WDR25: variants seen among roughly 807,000 people sequenced by gnomAD.
WDR25 encodes the protein WD repeat-containing protein 25.
WDR25 carries 35 observed loss-of-function variants against 47.7 expected under a neutral mutation model. That is an observed-to-expected ratio of 0.73 (90% confidence interval 0.56 to 0.97). The LOEUF is 0.97. Among genes scored for constraint, WDR25 ranks in the 50% least tolerant of loss-of-function variants. The pLI is 0.00. For missense variants in WDR25, 634 were observed against 704.7 expected (o/e 0.90, Z 1.14); for synonymous variants, 248 against 278.9 (o/e 0.89, Z 1.10).
chr14:100,480,756 A>T (rs1020111298), intron 3 of WDR25, among the ~76,000 whole-genome samples: 1 of 152,208 alleles, frequency 6.6e-6, no homozygotes, highest in Non-Finnish European at 1.5e-5. Flanking sequence ...TACAAATATG[A>T]TAATGCAATT....
chr14:100,417,445 C>A (rs909459361), intron 2 of WDR25, among the ~76,000 whole-genome samples: 1 of 152,194 alleles, frequency 6.6e-6, no homozygotes, highest in African/African-American at 2.4e-5. Flanking sequence ...CAGGCTCTTT[C>A]CCATGACCTA....
At chr14:100,489,263 A>G (rs1900485200) in intron 4 of WDR25, among the ~76,000 whole-genome samples, 1 of 152,226 alleles carries the variant, frequency 6.6e-6, no homozygotes, top group African/African-American at 2.4e-5. Flanking sequence ...TAACAGAGTT[A>G]TGAGTCTCTT....
intron 1 of WDR25, among the ~76,000 whole-genome samples, chr14:100,377,392 C>T (rs1896729818): frequency 6.6e-6 from 1 of 152,068 alleles, no homozygotes; most frequent in South Asian, 2.1e-4. Flanking sequence ...CTCCGCCTCC[C>T]GGGTTCAAGC....
chr14:100,491,281 G>A (rs1188219236), intron 4 of WDR25, among the ~76,000 whole-genome samples: 2 of 152,250 alleles, frequency 1.3e-5, no homozygotes, highest in Admixed American at 6.5e-5. Flanking sequence ...CCAGTTGGTA[G>A]TGGGGCAAGA....
Position 100,500,642 on chromosome 14 carries a change from C to T in WDR25, c.1101+16518C>T, listed in dbSNP as rs2140347107. 6.6e-6 allele frequency among the ~76,000 whole-genome samples: 1 copy of T among 152,326 alleles called. No homozygotes were observed. Among genetic ancestry groups the T allele is most frequent in the South Asian group, 2.1e-4 (1 of 4,826 alleles). On this transcript the variant is annotated intron_variant, in intron 4 of 6. Coordinates refer to ENST00000402312, the MANE Select transcript of WDR25 (RefSeq NM_001161476.3). The surrounding 1 kb of genome is among the most constrained non-coding windows in gnomAD (Gnocchi z 4.7). ...TTTGACGCTGGCTCAGCCAAGCGAG[C>T]CTCACCATCTCCATCTCTGTTCAGA...
intron 2 of WDR25, among the ~76,000 whole-genome samples, chr14:100,453,066 G>A (rs910647290): frequency 1.3e-5 from 2 of 152,076 alleles, no homozygotes; most frequent in African/African-American, 4.8e-5. Flanking sequence ...ACGAGTGAGG[G>A]GGAAGGGCAT....
At chr14:100,398,379 T>A (rs913747355) in intron 2 of WDR25, among the ~76,000 whole-genome samples, 1 of 152,342 alleles carries the variant, frequency 6.6e-6, no homozygotes, top group South Asian at 2.1e-4. Context: ...TAAAATTTTA[T>A]GATAGTTAAG....
chr14:100,400,634 T>C (rs758122629), intron 2 of WDR25, among the ~76,000 whole-genome samples: 3 of 152,204 alleles, frequency 2.0e-5, no homozygotes, highest in Non-Finnish European at 2.9e-5. Flanking sequence ...TTTGTGAAAA[T>C]GCAAAAACAT....
At chr14:100,420,875 G>A (rs1445982522) in intron 2 of WDR25, among the ~76,000 whole-genome samples, 3 of 152,148 alleles carry the variant, frequency 2.0e-5, no homozygotes, top group African/African-American at 7.2e-5. Flanking sequence ...TGCTGTGAGC[G>A]ACCCTGGCTG....
chr14:100,494,122 G>A (rs1273744236), intron 4 of WDR25, among the ~76,000 whole-genome samples: 1 of 152,184 alleles, frequency 6.6e-6, no homozygotes, highest in African/African-American at 2.4e-5. Flanking sequence ...GCAATGCTGT[G>A]ATCACAGCTT....
chr14:100,442,987 G>C (rs573488353), intron 2 of WDR25, among the ~76,000 whole-genome samples: 3 of 152,224 alleles, frequency 2.0e-5, no homozygotes, highest in Non-Finnish European at 4.4e-5. Context: ...CCCGCTGACT[G>C]GTTCCCCACC....
intron 2 of WDR25, among the ~76,000 whole-genome samples, chr14:100,463,851 C>T (rs1158326938): frequency 6.6e-6 from 1 of 152,158 alleles, no homozygotes; most frequent in Non-Finnish European, 1.5e-5. Flanking sequence ...ATCCTACCTC[C>T]AGTCCAGGGA....
chr14:100,457,197 C>T (rs562734335), intron 2 of WDR25, among the ~76,000 whole-genome samples: 116 of 152,276 alleles, frequency 7.6e-4, no homozygotes, highest in African/African-American at 2.7e-3. Context: ...TCAAGTGATA[C>T]ACCCACCTTG....
At position 100,484,034 on chromosome 14, in the gene WDR25, T is replaced by C. The variant is rs768906600; in HGVS notation, c.1011T>C (p.Thr337=). The C allele has an allele frequency of 9.9e-6, 16 of 1,613,814 alleles. No homozygotes were observed. The highest frequency in any genetic ancestry group is 1.2e-5 in the Non-Finnish European group (14 of 1,179,926). The part of the protein sequence containing the change: ...LFSGRSDFRI[T]TLKFHPKDHN... ...GTGGTCGAAGTGACTTTAGAATCAC[T>C]ACCTTGAAATTCCATCCAAAAGACC... Residue 337 remains threonine, a synonymous_variant, in exon 4 of 7, where the codon ACT becomes ACC. Transcript: ENST00000402312.
rs1245147301 is a variant in WDR25, at chr14:100,404,891, A to G, written c.822+23145A>G. ...GAGTGACATGGTTATTCCTTGTATC[A>G]TTGTCTGAACTTGGCACTGGTGTGT... On this transcript the variant is annotated intron_variant, in intron 2 of 6. Transcript: ENST00000402312. The surrounding 1 kb of genome is among the most constrained non-coding windows in gnomAD (Gnocchi z 4.6). Among the ~76,000 whole-genome samples the G allele has an allele frequency of 6.6e-6, 1 of 151,968 alleles. No individual in the cohort carries two copies. The highest frequency in any genetic ancestry group is 2.4e-5 in the African/African-American group (1 of 41,362).
intron 2 of WDR25, among the ~76,000 whole-genome samples, chr14:100,448,782 G>A (rs148105034): frequency 6.6e-6 from 1 of 152,228 alleles, no homozygotes; most frequent in African/African-American, 2.4e-5. Flanking sequence ...AAACAACGCA[G>A]CCTACCTAGC....
At chr14:100,487,796 T>C (rs892984174) in intron 4 of WDR25, 1 of 152,212 alleles carries the variant, frequency 6.6e-6, no homozygotes, top group Non-Finnish European at 1.5e-5. Flanking sequence ...TCTTTTTGCA[T>C]ATAGCTTTTT....
chr14:100,381,431 T>C lies in WDR25; in HGVS notation c.507T>C (p.Cys169=). 1.9e-6 allele frequency: 3 copies of C among 1,614,170 alleles called. No homozygotes were observed. The highest frequency in any genetic ancestry group is 1.1e-5 in the South Asian group (1 of 91,088). ...KNGSSFQKKK[C]EDCVVPYTPR... Reference sequence around the variant, plus strand: ...GCAGCTCTTTTCAGAAGAAAAAATGTGAGGACTGTGTGGTACCCTATACTC... The same window carrying C: ...GCAGCTCTTTTCAGAAGAAAAAATGCGAGGACTGTGTGGTACCCTATACTC... The change falls in exon 2 of 7, where the codon TGT becomes TGC. Residue 169 remains cysteine, a synonymous_variant. Coordinates refer to ENST00000402312, the MANE Select transcript of WDR25 (RefSeq NM_001161476.3).
chr14:100,493,614 G>T (rs1900636637), intron 4 of WDR25, among the ~76,000 whole-genome samples: 1 of 152,116 alleles, frequency 6.6e-6, no homozygotes. Context: ...GTTACAGATG[G>T]TGAACCCACA....
Sources: allele counts gnomAD v4.1 joint callset (sites outside exome capture counted in the v4.1 genomes callset), GRCh38; gene constraint gnomAD v4.1.1; non-coding constraint Gnocchi (gnomAD v3.1); transcripts MANE v1.5; gene names NCBI Gene and HGNC (gene_info 2026-07-23, HGNC 2026-07-21).